Variants in AFF3 observed in about 807,000 individuals in gnomAD.
The protein encoded by AFF3 is AF4/FMR2 family member 3.
AFF3 carries 32 observed loss-of-function variants against 129.7 expected under a neutral mutation model. That is an observed-to-expected ratio of 0.25 (90% CI 0.19 to 0.33). The LOEUF (loss-of-function observed/expected upper bound fraction) is 0.33, where lower values mean the gene tolerates loss of function less well. AFF3 is among the 10% of genes least tolerant of loss of function. AFF3 has a pLI of 1.00. For synonymous variants in AFF3, 644 were observed against 635.4 expected (o/e 1.01, Z -0.20); for missense variants, 1,373 against 1,592.0 (o/e 0.86, Z 2.34).
chr2:99,802,834 T>A (rs1399776003), intron 8 of AFF3, among the ~76,000 whole-genome samples: 1 of 152,178 alleles, frequency 6.6e-6, no homozygotes, highest in African/African-American at 2.4e-5. Context: ...CTGAATTCAT[T>A]TATCAAATCT....
chr2:99,578,502 G>C (rs1283316753), intron 17 of AFF3, 51 bp from the exon 18 acceptor site: 2 of 1,603,742 alleles, frequency 1.2e-6, no homozygotes, highest in Non-Finnish European at 1.7e-6. Context: ...CTGGTGAAGC[G>C]AGCAGCCCAT....
chr2:99,895,804 C>T (rs975199776), intron 7 of AFF3, among the ~76,000 whole-genome samples: 1 of 152,174 alleles, frequency 6.6e-6, no homozygotes, highest in African/African-American at 2.4e-5. Flanking sequence ...CGTGGTGGCT[C>T]ACGCCTGGAA....
intron 4 of AFF3, among the ~76,000 whole-genome samples, chr2:100,029,348 G>A (rs1157773357): frequency 6.6e-6 from 1 of 152,196 alleles, no homozygotes; most frequent in Admixed American, 6.5e-5. Flanking sequence ...TGAAAAGGCA[G>A]CAAGAGGCCA....
chr2:100,056,197 GT>G (rs557816798), intron 4 of AFF3, among the ~76,000 whole-genome samples: 124 of 152,012 alleles, frequency 8.2e-4, no homozygotes, highest in African/African-American at 2.7e-3. Flanking sequence ...GACTCTCAAA[GT>G]GGCTGGCTGA....
At chr2:99,838,787 T>C (rs1234560531) in intron 7 of AFF3, among the ~76,000 whole-genome samples, 1 of 152,184 alleles carries the variant, frequency 6.6e-6, no homozygotes, top group African/African-American at 2.4e-5. Context: ...CTGAGGGGCA[T>C]GAGGCTCATC....
At chr2:99,584,541 C>T (rs1677907159) in intron 16 of AFF3, among the ~76,000 whole-genome samples, 1 of 152,140 alleles carries the variant, frequency 6.6e-6, no homozygotes. Flanking sequence ...TGATTCCTAA[C>T]TCCTTATTTT....
intron 7 of AFF3, among the ~76,000 whole-genome samples, chr2:99,997,023 C>G (rs1318603004): frequency 6.6e-6 from 1 of 152,138 alleles, no homozygotes; most frequent in East Asian, 1.9e-4. Context: ...TCCTTCTCAT[C>G]AGACTGACCC....
chr2:99,551,440 G>C lies in AFF3; in HGVS notation c.*34C>G, dbSNP rs754186897. 2 of 1,613,024 alleles carry C rather than the reference G, an allele frequency of 1.2e-6. No homozygotes were observed. Among genetic ancestry groups the C allele is most frequent in the Non-Finnish European group, 1.7e-6 (2 of 1,179,796 alleles). On this transcript the variant is annotated 3_prime_UTR_variant, in exon 25 of 25. Transcript: ENST00000672756. Reference sequence around the variant, plus strand: ...CCAAAAACGTTGAGCCATCTGTGGAGACCAGAGCCCACTCTGGCCCCAGGG... The same window carrying C: ...CCAAAAACGTTGAGCCATCTGTGGACACCAGAGCCCACTCTGGCCCCAGGG...
intron 7 of AFF3, among the ~76,000 whole-genome samples, chr2:99,844,074 G>A (rs1689521990): frequency 6.6e-6 from 1 of 151,734 alleles, no homozygotes; most frequent in African/African-American, 2.4e-5. Flanking sequence ...CAAAAAAAAG[G>A]AAAATAAAAA....
At chr2:100,043,241 C>G (rs1313089036) in intron 4 of AFF3, among the ~76,000 whole-genome samples, 1 of 152,086 alleles carries the variant, frequency 6.6e-6, no homozygotes, top group Non-Finnish European at 1.5e-5. Context: ...TGCCAAAGAA[C>G]CAGATGCTTC....
At chr2:99,976,445 C>T (rs183514620) in intron 7 of AFF3, among the ~76,000 whole-genome samples, 8 of 152,096 alleles carry the variant, frequency 5.3e-5, no homozygotes, top group African/African-American at 1.9e-4. Flanking sequence ...GAAAAAGGTT[C>T]GTAGCATTTA....
At chr2:99,921,879 A>C (rs1400769601) in intron 7 of AFF3, among the ~76,000 whole-genome samples, 1 of 152,332 alleles carries the variant, frequency 6.6e-6, no homozygotes, top group Non-Finnish European at 1.5e-5. Context: ...ATTAGCAACA[A>C]CACTATAAAA....
At chr2:99,740,692 T>G (rs1680649435) in intron 10 of AFF3, among the ~76,000 whole-genome samples, 1 of 151,952 alleles carries the variant, frequency 6.6e-6, no homozygotes, top group Non-Finnish European at 1.5e-5. Flanking sequence ...TTGTTTGAGT[T>G]CATTGTAGGT....
At position 99,858,522 on chromosome 2, in the gene AFF3, G is replaced by A. The variant is rs1690703769; in HGVS notation, c.874-20998C>T. ...GCCACAATCTCCCCACTGCACTCCA[G>A]CCCAGGCAACAGAGTGAGACCTTGT... is the stretch of plus-strand genomic sequence containing the variant. On this transcript the variant is annotated intron_variant, in intron 7 of 24. Transcript: ENST00000672756. 1.3e-5 allele frequency among the ~76,000 whole-genome samples: 2 copies of A among 152,078 alleles called. 1 individual carries two copies.
chr2:99,961,153 C>T (rs1379925743), intron 7 of AFF3, among the ~76,000 whole-genome samples: 1 of 152,132 alleles, frequency 6.6e-6, no homozygotes, highest in African/African-American at 2.4e-5. Flanking sequence ...GCTCTTCTCC[C>T]ACTAACATCT....
At chr2:99,822,015 A>G (rs1371550911) in intron 8 of AFF3, among the ~76,000 whole-genome samples, 1 of 152,180 alleles carries the variant, frequency 6.6e-6, no homozygotes, top group African/African-American at 2.4e-5. Flanking sequence ...TCCTTCTTAC[A>G]TTTTGGAAAT....
chr2:100,011,571 C>G (rs1228605915), intron 4 of AFF3: 1 of 780,820 alleles, frequency 1.3e-6, no homozygotes, highest in African/African-American at 1.7e-5. Context: ...TGTCTTCACC[C>G]CTGCAAGAAA....
At chr2:99,649,395 T>C (rs887393020) in intron 13 of AFF3, among the ~76,000 whole-genome samples, 1 of 152,232 alleles carries the variant, frequency 6.6e-6, no homozygotes, top group Admixed American at 6.5e-5. Context: ...TTCTTGTCTC[T>C]TGTTTCATTG....
At position 99,594,041 on chromosome 2, in the gene AFF3, AG is replaced by A. The variant is rs772533775; in HGVS notation, c.1619del (p.Pro540LeufsTer6). Reference sequence around the variant, plus strand: ...ACTTCTGCTTCACGCCTTTACTCCCAGGGGCCTTGTTGGCTGTCCTTGGCCT... The same window carrying A: ...ACTTCTGCTTCACGCCTTTACTCCCAGGGCCTTGTTGGCTGTCCTTGGCCT... ...EQRPRTANKA[P>X]GSKGVKQKSP... On this transcript the variant is annotated frameshift_variant, in exon 15 of 25. Transcript: ENST00000672756. LOFTEE classifies it high-confidence loss of function. 1 of 1,609,684 alleles carries A rather than the reference AG, an allele frequency of 6.2e-7. No homozygotes were observed. The highest frequency in any genetic ancestry group is 8.5e-7 in the Non-Finnish European group (1 of 1,177,392).
Sources: gnomAD v4.1 joint callset for allele counts (sites outside exome capture counted in the v4.1 genomes callset) on GRCh38, gnomAD v4.1.1 for gene constraint, MANE v1.5 for transcripts, NCBI Gene and HGNC (gene_info 2026-07-23, HGNC 2026-07-21) for gene names.